The following TACR1 variants were observed in gnomAD, a reference collection of about 807,000 sequenced individuals.
TACR1 encodes tachykinin receptor 1, also known as substance-P receptor.
TACR1 carries 25 observed loss-of-function variants against 35.8 expected under a neutral mutation model. The observed-to-expected ratio is 0.70, with a 90% confidence interval of 0.51 to 0.98. TACR1 has a LOEUF of 0.98. TACR1 is among the 50% of genes least tolerant of loss of function. The pLI is 0.00. For synonymous variants in TACR1, 195 were observed against 206.7 expected (o/e 0.94, Z 0.48); for missense variants, 478 against 522.9 (o/e 0.91, Z 0.84).
intron 1 of TACR1, among the ~76,000 whole-genome samples, chr2:75,151,261 C>T (rs190763162): frequency 4.1e-4 from 63 of 152,280 alleles, no homozygotes; most frequent in Middle Eastern, 3.4e-3. Context: ...GAAAATGTCT[C>T]CAGGTCATGT....
At chr2:75,104,933 G>T (rs1352262852) in intron 2 of TACR1, among the ~76,000 whole-genome samples, 1 of 152,022 alleles carries the variant, frequency 6.6e-6, no homozygotes, top group Non-Finnish European at 1.5e-5. Flanking sequence ...GTGCATGGTT[G>T]ATGGGAATGT....
chr2:75,192,844 A>G (rs746562822), intron 1 of TACR1, among the ~76,000 whole-genome samples: 19 of 152,224 alleles, frequency 1.2e-4, no homozygotes, highest in Admixed American at 2.6e-4. Flanking sequence ...CATAAATAAA[A>G]GATATCATTA....
In TACR1 at chr2:75,199,384, C is replaced by A. The variant is rs915656687; in HGVS notation, c.-450G>T. The A allele has an allele frequency of 1.2e-5, 2 of 162,692 alleles. No individual in the cohort carries two copies. Among genetic ancestry groups the A allele is most frequent in the African/African-American group, 4.8e-5 (2 of 41,730 alleles). 10.1% of individuals were successfully genotyped at this position (162,692 alleles called of 1,614,324 possible). A position where few individuals can be genotyped will look rare whatever the true frequency, so the allele number is the denominator to read the frequency against. ...GGAGCGAAGTGGGGGCCCATTGCAG[C>A]GCGACCTGTAAAAGTTCTGAGCCTA... On this transcript the variant is annotated 5_prime_UTR_variant, in exon 1 of 5. Coordinates refer to ENST00000305249, the MANE Select transcript of TACR1 (RefSeq NM_001058.4).
chr2:75,179,476 C>T (rs1401280214), intron 1 of TACR1, among the ~76,000 whole-genome samples: 1 of 152,184 alleles, frequency 6.6e-6, no homozygotes, highest in Non-Finnish European at 1.5e-5. Flanking sequence ...AAGATCATGT[C>T]CCTTCCCTGC....
chr2:75,069,140 G>A (rs1379144004), intron 2 of TACR1, among the ~76,000 whole-genome samples: 1 of 152,160 alleles, frequency 6.6e-6, no homozygotes, highest in Non-Finnish European at 1.5e-5. Flanking sequence ...CTGCCACCAT[G>A]TAAGATGTGA....
intron 2 of TACR1, among the ~76,000 whole-genome samples, chr2:75,064,485 A>G (rs1277124661): frequency 6.6e-6 from 1 of 152,214 alleles, no homozygotes; most frequent in Non-Finnish European, 1.5e-5. Context: ...AAAATGCTAA[A>G]TTGATCTGTG....
At chr2:75,136,964 C>T (rs1558565305) in intron 1 of TACR1, among the ~76,000 whole-genome samples, 2 of 152,254 alleles carry the variant, frequency 1.3e-5, no homozygotes, top group East Asian at 3.9e-4. Flanking sequence ...GCCGGGGTCT[C>T]AATCAGATGA....
In TACR1 at chr2:75,184,238, AAC is replaced by A. The variant is rs1675631985; in HGVS notation, c.389+14306_389+14307del. 1.1e-4 allele frequency among the ~76,000 whole-genome samples: 17 copies of A among 152,308 alleles called. No individual in the cohort carries two copies. In the South Asian group the frequency reaches 3.5e-3, roughly 32 times the overall value. On this transcript the variant is annotated intron_variant, in intron 1 of 4. Transcript: ENST00000305249. ...AAAAAATGTATTAATAGATGGCAAA[AAC>A]ACAATTGGCAAATTAAGTATCTAGA...
At chr2:75,182,963 T>A (rs1675593435) in intron 1 of TACR1, among the ~76,000 whole-genome samples, 1 of 152,246 alleles carries the variant, frequency 6.6e-6, no homozygotes. Flanking sequence ...GATTAATGTC[T>A]TATTAATACT....
chr2:75,156,602 C>CAAAAAAA (rs58048867), intron 1 of TACR1, among the ~76,000 whole-genome samples: 1 of 108,526 alleles, frequency 9.2e-6, no homozygotes, highest in Non-Finnish European at 1.8e-5. Context: ...GACTCCGTCT[C>CAAAAAAA]AAAAAAAAAA....
chr2:75,083,732 G>A (rs1419397531), intron 2 of TACR1, among the ~76,000 whole-genome samples: 1 of 152,156 alleles, frequency 6.6e-6, no homozygotes, highest in Non-Finnish European at 1.5e-5. Context: ...CTGTTTGTCT[G>A]TTATTGGTGT....
rs766288292 is a variant in TACR1, at chr2:75,053,671, T to G, written c.669A>C (p.Leu223=). The G allele has an allele frequency of 1.2e-6, 2 of 1,611,850 alleles. No homozygotes were observed. Among genetic ancestry groups the G allele is most frequent in the South Asian group, 1.1e-5 (1 of 90,568 alleles). The change falls in exon 3 of 5, where the codon CTA becomes CTC. Residue 223 remains leucine (L), a synonymous_variant. Coordinates refer to ENST00000305249, the MANE Select transcript of TACR1 (RefSeq NM_001058.4). ...AGTCCCCGGGGATCTCACTGGCCCA[T>G]AGTGTGATTCCCACTACGGTGTATG... ...GYAYTVVGIT[L]WASEIPGDSS... is the part of the protein sequence containing the mutation.
chr2:75,183,915 T>C (rs1675620772), intron 1 of TACR1, among the ~76,000 whole-genome samples: 1 of 152,252 alleles, frequency 6.6e-6, no homozygotes, highest in South Asian at 2.1e-4. Flanking sequence ...ATAAGGAATT[T>C]ATATTATTTA....
At chr2:75,072,052 A>G (rs1672892836) in intron 2 of TACR1, among the ~76,000 whole-genome samples, 1 of 152,236 alleles carries the variant, frequency 6.6e-6, no homozygotes, top group South Asian at 2.1e-4. Context: ...GAGGAGTGGC[A>G]GCCAGGAGGC....
chr2:75,113,532 C>CTTTTTTTTTTTTTTTTTTTTTTTTTTTT (rs11437762), intron 2 of TACR1, among the ~76,000 whole-genome samples: 1 of 92,084 alleles, frequency 1.1e-5, no homozygotes, highest in African/African-American at 4.5e-5. Flanking sequence ...TTTCTTCTTC[C>CTTTTTTTTTTTTTTTTTTTTTTTTTTTT]TTTTTTTTTT....
At chr2:75,091,464 G>T (rs1205410300) in intron 2 of TACR1, among the ~76,000 whole-genome samples, 1 of 152,010 alleles carries the variant, frequency 6.6e-6, no homozygotes, top group Non-Finnish European at 1.5e-5. Flanking sequence ...CTTCAACTTT[G>T]TCAGTTCCAA....
chr2:75,049,569 C>A lies in TACR1; in HGVS notation c.1087G>T (p.Gly363Trp). Reference sequence around the variant, plus strand: ...TCCTCTGGCTCCTCCTCGTGGGCCCCCACCACTGTGGAGATGGTGGTCTCC... The same window carrying A: ...TCCTCTGGCTCCTCCTCGTGGGCCCACACCACTGTGGAGATGGTGGTCTCC... Reference protein sequence around the residue: ...RLETTISTVVGAHEEEPEDGP... With the variant: ...RLETTISTVVWAHEEEPEDGP... The change falls in exon 5 of 5, where the codon GGG (glycine) becomes TGG (tryptophan). Residue 363 changes from glycine to tryptophan, a missense_variant. Transcript: ENST00000305249. 6.2e-7 allele frequency: 1 copy of A among 1,614,164 alleles called. No homozygotes were observed. Among genetic ancestry groups the A allele is most frequent in the South Asian group, 1.1e-5 (1 of 91,090 alleles).
At chr2:75,137,850 A>T (rs1013803046) in intron 1 of TACR1, among the ~76,000 whole-genome samples, 1 of 151,182 alleles carries the variant, frequency 6.6e-6, no homozygotes, top group African/African-American at 2.4e-5. Flanking sequence ...TGTTGTTCCT[A>T]TACTCATCTA....
At chr2:75,110,229 AG>A (rs1333860772) in intron 2 of TACR1, among the ~76,000 whole-genome samples, 1 of 152,094 alleles carries the variant, frequency 6.6e-6, no homozygotes, top group Admixed American at 6.5e-5. Flanking sequence ...GAATTTAGAG[AG>A]AAAATGATTG....
Sources: gnomAD v4.1 joint callset for allele counts (sites outside exome capture counted in the v4.1 genomes callset) on GRCh38, gnomAD v4.1.1 for gene constraint, MANE v1.5 for transcripts, NCBI Gene and HGNC (gene_info 2026-07-23, HGNC 2026-07-21) for gene names.